SPATA31G1: variants seen among roughly 807,000 people sequenced by gnomAD.
SPATA31G1 encodes SPATA31 subfamily G member 1.
At chr9:35,044,581 C>CT in the SPATA31G1 span, 69 of 1,614,166 alleles carry the variant, frequency 4.3e-5, no homozygotes, top group South Asian at 7.6e-4. Flanking sequence ...TCCTCAAACT[C>CT]TGTTTCAAAG....
At chr9:35,042,219 A>G in the SPATA31G1 span, 2 of 1,603,298 alleles carry the variant, frequency 1.2e-6, no homozygotes, top group South Asian at 1.1e-5. Context: ...TGATGCAATG[A>G]TGACCTCAGG....
chr9:35,043,335 C>T, the SPATA31G1 span: 2 of 1,614,068 alleles, frequency 1.2e-6, no homozygotes, highest in South Asian at 2.2e-5. Context: ...GCTTGCCTTC[C>T]TACCTAGGTC....
the SPATA31G1 span, chr9:35,043,008 C>T: frequency 6.2e-7 from 1 of 1,614,166 alleles, no homozygotes; most frequent in Non-Finnish European, 8.5e-7. Flanking sequence ...CAAAGAAGCT[C>T]CCACTGGAGA....
At chr9:35,042,738 C>T in the SPATA31G1 span, 1 of 1,341,210 alleles carries the variant, frequency 7.5e-7, no homozygotes, top group East Asian at 2.3e-5. Flanking sequence ...GGTGACTGGC[C>T]ACACACGTGG....
At chr9:35,044,724 C>T in the SPATA31G1 span, 1 of 1,614,206 alleles carries the variant, frequency 6.2e-7, no homozygotes, top group Non-Finnish European at 8.5e-7. Context: ...ACCAGAGCCA[C>T]ACATTGACCT....
At chr9:35,043,834 G>C in the SPATA31G1 span, 3 of 1,614,178 alleles carry the variant, frequency 1.9e-6, no homozygotes, top group Middle Eastern at 3.3e-4. Context: ...CAGAGAGAGA[G>C]TTCCCTGGAA....
At chr9:35,042,129 G>T in the SPATA31G1 span, 1 of 1,431,258 alleles carries the variant, frequency 7.0e-7, no homozygotes. Context: ...GCCTGATAGA[G>T]GAAATTTTTT....
the SPATA31G1 span, chr9:35,042,211 A>G: frequency 6.3e-7 from 1 of 1,597,104 alleles, no homozygotes; most frequent in Non-Finnish European, 8.6e-7. Context: ...TTGTTCTGTG[A>G]TGCAATGATG....
the SPATA31G1 span, chr9:35,045,023 T>TGCCTCCAGAGCCCC: frequency 1.9e-6 from 3 of 1,614,208 alleles, no homozygotes; most frequent in Non-Finnish European, 2.5e-6. Context: ...GGCAGAGCCC[T>TGCCTCCAGAGCCCC]GCCTCCAGAG....
At chr9:35,044,920 C>G in the SPATA31G1 span, 1 of 1,614,186 alleles carries the variant, frequency 6.2e-7, no homozygotes, top group Admixed American at 1.7e-5. Context: ...GCCCCACTCT[C>G]CCAGAGATGG....
At chr9:35,045,241 A>G in the SPATA31G1 span, 1 of 1,613,892 alleles carries the variant, frequency 6.2e-7, no homozygotes, top group Non-Finnish European at 8.5e-7. Flanking sequence ...TCCTCTTCCC[A>G]GCTTCAGCCA....
the SPATA31G1 span, chr9:35,042,077 C>G: frequency 4.2e-6 from 4 of 958,620 alleles, no homozygotes; most frequent in Non-Finnish European, 6.0e-6. Flanking sequence ...ACTGGGCAAT[C>G]AAAAGGGGAT....
the SPATA31G1 span, chr9:35,045,540 A>G: frequency 6.2e-7 from 1 of 1,614,176 alleles, no homozygotes; most frequent in Non-Finnish European, 8.5e-7. Context: ...AGTCACAGGG[A>G]AGAACCACCC....
At chr9:35,042,800 T>G in the SPATA31G1 span, 7 of 1,566,244 alleles carry the variant, frequency 4.5e-6, no homozygotes, top group Non-Finnish European at 6.0e-6. Flanking sequence ...GAGTGCCTCA[T>G]AGCAAACCTT....
chr9:35,042,766 T>A, the SPATA31G1 span: 1 of 1,483,692 alleles, frequency 6.7e-7, no homozygotes, highest in East Asian at 2.3e-5. Context: ...TGAGTAACTG[T>A]CCACTCTGGA....
At chr9:35,042,783 G>C in the SPATA31G1 span, 1 of 1,534,280 alleles carries the variant, frequency 6.5e-7, no homozygotes, top group South Asian at 1.3e-5. Context: ...TGGATATGGA[G>C]CAGACTGAGT....
the SPATA31G1 span, chr9:35,043,364 G>T: frequency 3.1e-6 from 5 of 1,613,962 alleles, no homozygotes; most frequent in East Asian, 8.9e-5. Context: ...TGCTTCCCCA[G>T]TATCACTCCT....
the SPATA31G1 span, chr9:35,043,822 T>G: frequency 6.2e-7 from 1 of 1,613,940 alleles, no homozygotes; most frequent in East Asian, 2.2e-5. Flanking sequence ...CTGCCAGAAC[T>G]CCAGAGAGAG....
the SPATA31G1 span, chr9:35,045,330 C>G: frequency 1.9e-6 from 3 of 1,614,060 alleles, no homozygotes; most frequent in Non-Finnish European, 2.5e-6. Context: ...GGTCCCATCC[C>G]AAGGGCCATG....
Sources: gnomAD v4.1 joint callset for allele counts on GRCh38, gnomAD v4.1.1 for gene constraint, MANE v1.5 for transcripts, NCBI Gene and HGNC (gene_info 2026-07-23, HGNC 2026-07-21) for gene names.